Variants in LGSN observed in about 807,000 individuals in gnomAD.
LGSN encodes the protein lengsin, lens protein with glutamine synthetase domain, also known as lengsin.
Under a neutral mutation model 19.5 loss-of-function variants are expected in LGSN, and 21 were observed. The ratio of observed to expected loss-of-function variants is 1.07; its 90% CI spans 0.76 to 1.55. The LOEUF is 1.55. Ranked by LOEUF, LGSN falls within the 40% of genes most tolerant of loss-of-function variation. The pLI is 0.00. For synonymous variants in LGSN, 257 were observed against 215.6 expected (o/e 1.19, Z -1.68); for missense variants, 673 against 608.5 (o/e 1.11, Z -1.12).
the LGSN span, among the ~76,000 whole-genome samples, chr6:63,516,168 G>A: frequency 6.6e-6 from 1 of 152,178 alleles, no homozygotes; most frequent in African/African-American, 2.4e-5. Context: ...CCCTAAGCAA[G>A]TAGAAGATTG....
At chr6:63,514,076 A>G in the LGSN span, among the ~76,000 whole-genome samples, 13 of 152,228 alleles carry the variant, frequency 8.5e-5, no homozygotes, top group African/African-American at 1.9e-4. Flanking sequence ...AAAGACTAAT[A>G]ATCTGTGTTC....
chr6:63,513,722 C>T, the LGSN span, among the ~76,000 whole-genome samples: 11 of 151,944 alleles, frequency 7.2e-5, no homozygotes, highest in South Asian at 2.1e-4. Flanking sequence ...ACCAGCCTGA[C>T]CAAGATGGTG....
the LGSN span, among the ~76,000 whole-genome samples, chr6:63,420,756 A>G: frequency 2.0e-5 from 3 of 152,200 alleles, no homozygotes; most frequent in Non-Finnish European, 4.4e-5. Context: ...TCATACCAAG[A>G]ACCAGGAAGA....
rs532999453 is a variant in LGSN, at chr6:63,285,940, G to A, written c.164-187C>T. Among the ~76,000 whole-genome samples the A allele has an allele frequency of 1.1e-4, 17 of 152,232 alleles. No homozygotes were observed. In the South Asian group the frequency reaches 3.5e-3, roughly 32 times the overall value. On this transcript the variant is annotated intron_variant, in intron 2 of 3. Coordinates refer to ENST00000370657, the MANE Select transcript of LGSN (RefSeq NM_016571.3). Reference sequence around the variant, plus strand: ...TTTACCGTCTTCCCAAGAACACTGTGTCTAAACAACCTGAGAGATCATTTA... The same window carrying A: ...TTTACCGTCTTCCCAAGAACACTGTATCTAAACAACCTGAGAGATCATTTA...
chr6:63,413,754 T>A, the LGSN span, among the ~76,000 whole-genome samples: 1 of 152,240 alleles, frequency 6.6e-6, no homozygotes, highest in African/African-American at 2.4e-5. Flanking sequence ...AAATTATTTC[T>A]ACATTAATGT....
chr6:63,526,522 T>C, the LGSN span, among the ~76,000 whole-genome samples: 12 of 151,650 alleles, frequency 7.9e-5, no homozygotes, highest in Admixed American at 6.6e-4. Flanking sequence ...TTTAAAAAGA[T>C]TTTTAGGCCA....
the LGSN span, among the ~76,000 whole-genome samples, chr6:63,416,177 GA>G: frequency 2.1e-5 from 3 of 140,934 alleles, no homozygotes; most frequent in East Asian, 4.1e-4. Flanking sequence ...GCTCATCTCT[GA>G]AAAAAAAATT....
At chr6:63,566,107 C>G in the LGSN span, among the ~76,000 whole-genome samples, 5 of 152,190 alleles carry the variant, frequency 3.3e-5, no homozygotes, top group Admixed American at 3.3e-4. Flanking sequence ...CCTGTTTTGT[C>G]CCACTGAACC....
At chr6:63,415,473 G>A in the LGSN span, among the ~76,000 whole-genome samples, 3 of 152,192 alleles carry the variant, frequency 2.0e-5, no homozygotes, top group African/African-American at 7.2e-5. Context: ...TTCTTCACAA[G>A]GCAGCAGAAA....
intron 2 of LGSN, among the ~76,000 whole-genome samples, chr6:63,292,360 C>G (rs772908528): frequency 3.9e-5 from 6 of 152,184 alleles, no homozygotes; most frequent in Non-Finnish European, 7.3e-5. Context: ...CCTGTGTGTA[C>G]TAAAGGATTT....
the LGSN span, among the ~76,000 whole-genome samples, chr6:63,512,903 C>T: frequency 3.3e-5 from 5 of 152,186 alleles, no homozygotes; most frequent in African/African-American, 9.7e-5. Context: ...ACTTATTACA[C>T]GTTGGGCACT....
the LGSN span, among the ~76,000 whole-genome samples, chr6:63,553,332 G>T: frequency 6.6e-6 from 1 of 152,316 alleles, no homozygotes; most frequent in Non-Finnish European, 1.5e-5. Context: ...AGCGACTCGG[G>T]TTCAGATAGA....
the LGSN span, among the ~76,000 whole-genome samples, chr6:63,436,720 CCA>C: frequency 1.3e-5 from 2 of 152,108 alleles, no homozygotes; most frequent in Admixed American, 6.6e-5. Context: ...CCCAAGAATT[CCA>C]CAGTTTTGAA....
Position 63,280,553 on chromosome 6 carries a change from C to A in LGSN, c.998G>T (p.Gly333Val). The A allele has an allele frequency of 6.2e-7, 1 of 1,614,092 alleles. No homozygotes were observed. Among genetic ancestry groups the A allele is most frequent in the Non-Finnish European group, 8.5e-7 (1 of 1,180,024 alleles). ...CCCAGTGATCGTGAGCTGCTCAGTT[C>A]CAGAAGTGCTGCAGAACATGTTTTT... ...RKKNMFCSTS[G>V]TEQLTITGKK... Residue 333 changes from glycine to valine, a missense_variant, in exon 4 of 4, where the codon GGA becomes GTA. By Grantham distance (109) the Gly-to-Val change is moderately radical. Coordinates refer to ENST00000370657, the MANE Select transcript of LGSN (RefSeq NM_016571.3).
the LGSN span, among the ~76,000 whole-genome samples, chr6:63,377,000 A>T: frequency 6.6e-6 from 1 of 152,232 alleles, no homozygotes; most frequent in South Asian, 2.1e-4. Flanking sequence ...GACTGCTCCC[A>T]TATTAAGAAA....
At chr6:63,340,208 G>T in the LGSN span, among the ~76,000 whole-genome samples, 1 of 151,924 alleles carries the variant, frequency 6.6e-6, no homozygotes, top group African/African-American at 2.4e-5. Flanking sequence ...ATTCTTCTTT[G>T]AGTTTTGATA....
At chr6:63,452,760 TTTC>T in the LGSN span, among the ~76,000 whole-genome samples, 3 of 151,862 alleles carry the variant, frequency 2.0e-5, no homozygotes, top group Admixed American at 2.0e-4. Flanking sequence ...TTCCATTTTT[TTTC>T]TTCTTTTTTC....
the LGSN span, among the ~76,000 whole-genome samples, chr6:63,327,139 G>A: frequency 6.6e-6 from 1 of 152,334 alleles, no homozygotes; most frequent in South Asian, 2.1e-4. Context: ...CTTCAGAGGG[G>A]AACTCTCTAG....
chr6:63,323,557 TATACACACACACACACACAC>T, upstream of LGSN, among the ~76,000 whole-genome samples: 1 of 96,252 alleles, frequency 1.0e-5, no homozygotes, highest in African/African-American at 4.3e-5. Context: ...CAAAACCTCA[TATACACACACACACACACAC>T]ACACACACAC....
Sources: gnomAD v4.1 joint callset for allele counts (sites outside exome capture counted in the v4.1 genomes callset) on GRCh38, gnomAD v4.1.1 for gene constraint, MANE v1.5 for transcripts, NCBI Gene and HGNC (gene_info 2026-07-23, HGNC 2026-07-21) for gene names.